Variants in PTER observed in about 807,000 individuals in gnomAD.
PTER encodes phosphotriesterase related, also known as N-acetyltaurine hydrolase.
PTER carries 38 observed loss-of-function variants against 29.6 expected under a neutral mutation model. That is an observed-to-expected ratio of 1.28 (90% CI 0.99 to 1.68). PTER has a LOEUF of 1.68. PTER is among the 40% of genes most tolerant of loss of function. The pLI, the probability that PTER is intolerant of heterozygous loss-of-function variation, is 0.00. For missense variants in PTER, 482 were observed against 427.8 expected (o/e 1.13, Z -1.12); for synonymous variants, 172 against 154.5 (o/e 1.11, Z -0.84).
intron 1 of PTER, among the ~76,000 whole-genome samples, chr10:16,462,916 G>A (rs979456439): frequency 1.1e-4 from 17 of 151,712 alleles, no homozygotes; most frequent in African/African-American, 3.9e-4. Context: ...GATGGCTGCC[G>A]GGCGTGGTGA....
chr10:16,440,944 T>G (rs1833827969), intron 1 of PTER, among the ~76,000 whole-genome samples: 1 of 152,214 alleles, frequency 6.6e-6, no homozygotes, highest in Non-Finnish European at 1.5e-5. Flanking sequence ...CCAGATACCT[T>G]GGGAGCTGTG....
chr10:16,468,409 C>G (rs1834923977), intron 1 of PTER, among the ~76,000 whole-genome samples: 1 of 151,526 alleles, frequency 6.6e-6, no homozygotes, highest in Non-Finnish European at 1.5e-5. Context: ...CCTCTATTAA[C>G]TACACATTTT....
At chr10:16,497,055 C>G (rs760011199) in intron 3 of PTER, among the ~76,000 whole-genome samples, 1 of 151,924 alleles carries the variant, frequency 6.6e-6, no homozygotes, top group Non-Finnish European at 1.5e-5. Context: ...CTACCTCAGC[C>G]TCCCAAGTAG....
At chr10:16,494,436 A>G (rs562297763) in intron 3 of PTER, among the ~76,000 whole-genome samples, 3 of 152,312 alleles carry the variant, frequency 2.0e-5, no homozygotes, top group East Asian at 1.9e-4. Flanking sequence ...TGAATAAGTG[A>G]TGGGGGGAGA....
chr10:16,462,515 C>T lies in PTER; in HGVS notation c.-48-21822C>T, dbSNP rs1278257558. Among the ~76,000 whole-genome samples the T allele has an allele frequency of 2.7e-5, 4 of 150,864 alleles. No individual in the cohort carries two copies. In the South Asian group the frequency reaches 8.3e-4, roughly 31 times the overall value. On this transcript the variant is annotated intron_variant, in intron 1 of 4. Transcript: ENST00000535784. The stretch of plus-strand genomic sequence containing the variant: ...AGTTAAGACTTGTTGTGAGTTTTCT[C>T]GTCTTTGCAATTTTTCCAGCCCTGC...
chr10:16,489,462 C>T (rs147826900), intron 3 of PTER, among the ~76,000 whole-genome samples: 1,698 of 151,236 alleles, frequency 0.011, 27 homozygotes, highest in African/African-American at 0.039. Flanking sequence ...AGGTTATTTC[C>T]TTATGTTTTA....
At chr10:16,498,519 G>A (rs1836202406) in intron 3 of PTER, among the ~76,000 whole-genome samples, 1 of 152,182 alleles carries the variant, frequency 6.6e-6, no homozygotes, top group Non-Finnish European at 1.5e-5. Context: ...GGAGATGAAA[G>A]CTGCAGTGAG....
At chr10:16,455,400 G>C (rs1242545386) in intron 1 of PTER, among the ~76,000 whole-genome samples, 1 of 151,994 alleles carries the variant, frequency 6.6e-6, no homozygotes, top group East Asian at 1.9e-4. Context: ...TCACGTGTCA[G>C]TGACAAATTA....
At chr10:16,485,822 G>A (rs1043174472) in intron 2 of PTER, among the ~76,000 whole-genome samples, 12 of 152,060 alleles carry the variant, frequency 7.9e-5, no homozygotes, top group African/African-American at 2.4e-4. Flanking sequence ...TGCCTTGTGC[G>A]GTGATGCAAG....
At chr10:16,507,454 A>T (rs1836618800) in intron 4 of PTER, among the ~76,000 whole-genome samples, 1 of 152,118 alleles carries the variant, frequency 6.6e-6, no homozygotes. Context: ...TGGAATTGAG[A>T]AGTGATGTCC....
At chr10:16,504,375 T>A (rs192324818) in intron 3 of PTER, among the ~76,000 whole-genome samples, 21 of 152,296 alleles carry the variant, frequency 1.4e-4, no homozygotes, top group African/African-American at 4.8e-4. Flanking sequence ...AATGAGAAGA[T>A]ATCCATAAAA....
chr10:16,437,334 C>CTTTT (rs67176246), intron 1 of PTER: 3 of 138,740 alleles, frequency 2.2e-5, no homozygotes, highest in Non-Finnish European at 4.6e-5. Context: ...CTTTAATAAG[C>CTTTT]TTTTTTTTTT....
At chr10:16,474,199 A>C (rs11815901) in intron 1 of PTER, among the ~76,000 whole-genome samples, 1 of 152,218 alleles carries the variant, frequency 6.6e-6, no homozygotes, top group African/African-American at 2.4e-5. Flanking sequence ...TATCAAGACA[A>C]GTGCTTCAGA....
intron 1 of PTER, among the ~76,000 whole-genome samples, chr10:16,438,151 G>T (rs1833718145): frequency 6.7e-6 from 1 of 149,528 alleles, no homozygotes; most frequent in East Asian, 2.0e-4. Flanking sequence ...GACTACAGGC[G>T]CGCTCCACCA....
intron 4 of PTER, among the ~76,000 whole-genome samples, chr10:16,507,681 C>G (rs1039615281): frequency 1.3e-5 from 2 of 152,194 alleles, no homozygotes; most frequent in African/African-American, 2.4e-5. Context: ...TTAGGGAAAG[C>G]TAGTTAATCA....
At chr10:16,484,083 A>T (rs1265812515) in intron 1 of PTER, among the ~76,000 whole-genome samples, 1 of 152,186 alleles carries the variant, frequency 6.6e-6, no homozygotes, top group African/African-American at 2.4e-5. Flanking sequence ...TTTCCAGTAG[A>T]TAAGGTTAGG....
In PTER at chr10:16,456,875, C is replaced by T. The variant is rs960013943; in HGVS notation, c.-49+19828C>T. ...CCATGGGGAAGGTGGGGGGGGGTTC[C>T]GCCATGCTGTTCTCGTGGTAGTGAA... On this transcript the variant is annotated intron_variant, in intron 1 of 4. Coordinates refer to ENST00000535784, the MANE Select transcript of PTER (RefSeq NM_001261836.2). 1.5e-4 allele frequency among the ~76,000 whole-genome samples: 21 copies of T among 136,660 alleles called. 1 individual carries two copies. Among genetic ancestry groups the T allele is most frequent in the South Asian group, 4.7e-4 (2 of 4,228 alleles). The allele number at this position is 136,660 out of a possible 152,430, so 89.7% of individuals were successfully genotyped here. A position where few individuals can be genotyped will look rare whatever the true frequency, so the allele number is the denominator to read the frequency against.
chr10:16,464,308 A>G (rs961776383), intron 1 of PTER, among the ~76,000 whole-genome samples: 13 of 152,202 alleles, frequency 8.5e-5, no homozygotes, highest in African/African-American at 2.9e-4. Flanking sequence ...CAGCATTTTG[A>G]TTTAACTTTT....
downstream of PTER, among the ~76,000 whole-genome samples, chr10:16,518,161 G>A (rs1389115789): frequency 6.6e-6 from 1 of 152,148 alleles, no homozygotes; most frequent in Non-Finnish European, 1.5e-5. Flanking sequence ...AAAAGCAAGA[G>A]TGAAGTATTA....
Sources: allele counts gnomAD v4.1 joint callset (sites outside exome capture counted in the v4.1 genomes callset), GRCh38; gene constraint gnomAD v4.1.1; transcripts MANE v1.5; gene names NCBI Gene and HGNC (gene_info 2026-07-23, HGNC 2026-07-21).